The following STT3B variants were observed in gnomAD, a reference collection of about 807,000 sequenced individuals.
The protein encoded by STT3B is STT3 oligosaccharyltransferase complex catalytic subunit B.
A neutral mutation model predicts 96.8 loss-of-function variants in STT3B; 29 were observed. The observed-to-expected ratio is 0.30, with a 90% CI of 0.22 to 0.41. STT3B has a LOEUF of 0.41. Among genes scored for constraint, STT3B ranks in the 10% least tolerant of loss-of-function variants. The pLI, the probability that STT3B is intolerant of heterozygous loss-of-function variation, is 1.00. For missense variants in STT3B, 640 were observed against 1,022.3 expected (o/e 0.63, Z 5.10); for synonymous variants, 367 against 360.0 (o/e 1.02, Z -0.22).
chr3:31,567,864 A>T (rs191894697), intron 1 of STT3B, among the ~76,000 whole-genome samples: 1 of 152,230 alleles, frequency 6.6e-6, no homozygotes. Flanking sequence ...TTTCAATTCC[A>T]ATCTTTTAGT....
intron 2 of STT3B, among the ~76,000 whole-genome samples, chr3:31,578,064 A>G (rs750245922): frequency 2.0e-4 from 30 of 152,102 alleles, no homozygotes; most frequent in Non-Finnish European, 3.1e-4. Flanking sequence ...CTTATACTTA[A>G]GGTTATTATA....
At chr3:31,578,468 G>A (rs1359028018) in intron 2 of STT3B, among the ~76,000 whole-genome samples, 1 of 151,904 alleles carries the variant, frequency 6.6e-6, no homozygotes, top group Non-Finnish European at 1.5e-5. Flanking sequence ...GTACTTCTAT[G>A]AATCTTGGCT....
At chr3:31,612,338 G>T (rs1237778881) in intron 5 of STT3B, among the ~76,000 whole-genome samples, 3 of 152,182 alleles carry the variant, frequency 2.0e-5, no homozygotes, top group Non-Finnish European at 4.4e-5. Flanking sequence ...CTTGGGTCCA[G>T]TTCTCTTAAA....
chr3:31,597,748 C>T lies in STT3B; in HGVS notation c.777+885C>T, dbSNP rs549188290. On this transcript the variant is annotated intron_variant, in intron 4 of 15. Coordinates refer to ENST00000295770, the MANE Select transcript of STT3B (RefSeq NM_178862.3). ...CACTGGGATTATAGGCAAGAGCTGC[C>T]GTGCCTGTTTTTTAACTTTTTAATG... is the stretch of plus-strand genomic sequence containing the variant. 6.6e-5 allele frequency among the ~76,000 whole-genome samples: 10 copies of T among 152,116 alleles called. No homozygotes were observed. In the South Asian group the frequency reaches 1.5e-3, roughly 22 times the overall value.
chr3:31,555,513 G>A (rs774947253), intron 1 of STT3B, among the ~76,000 whole-genome samples: 2 of 151,914 alleles, frequency 1.3e-5, no homozygotes, highest in African/African-American at 4.8e-5. Context: ...TGATAGTTCT[G>A]TTACTCCTGC....
In STT3B at chr3:31,629,336, A is replaced by G. The variant is rs1699604832; in HGVS notation, c.2112A>G (p.Val704=). The G allele has an allele frequency of 1.2e-6, 2 of 1,610,856 alleles. No individual in the cohort carries two copies. Among genetic ancestry groups the G allele is most frequent in the Non-Finnish European group, 8.5e-7 (1 of 1,178,158 alleles). ...DYFTPQGEFR[V]DKAGSPTLLN... Reference sequence around the variant, plus strand: ...TTACCCCACAGGGAGAATTCCGTGTAGACAAAGCAGGATCCCCTACTTTGT... The same window carrying G: ...TTACCCCACAGGGAGAATTCCGTGTGGACAAAGCAGGATCCCCTACTTTGT... Residue 704 remains valine, a synonymous_variant, in exon 14 of 16, where the codon GTA becomes GTG. Transcript: ENST00000295770.
intron 1 of STT3B, among the ~76,000 whole-genome samples, chr3:31,536,148 C>A (rs1381214175): frequency 6.6e-6 from 1 of 151,924 alleles, no homozygotes; most frequent in Non-Finnish European, 1.5e-5. Flanking sequence ...TACAGTCATT[C>A]TTTTTGAAAA....
chr3:31,533,700 G>A, intron 1 of STT3B: 1 of 158,500 alleles, frequency 6.3e-6, no homozygotes, highest in Non-Finnish European at 1.4e-5. Flanking sequence ...GCTCCTCCGC[G>A]GACTGTCGGT....
At chr3:31,549,256 T>C (rs1396650760) in intron 1 of STT3B, among the ~76,000 whole-genome samples, 6 of 152,136 alleles carry the variant, frequency 3.9e-5, no homozygotes, top group African/African-American at 1.4e-4. Flanking sequence ...ATTAGGAACA[T>C]ACTTTTTTTT....
intron 13 of STT3B, among the ~76,000 whole-genome samples, chr3:31,627,897 A>G (rs1314469290): frequency 1.3e-5 from 2 of 152,016 alleles, no homozygotes; most frequent in Non-Finnish European, 2.9e-5. Flanking sequence ...TGAATAGATA[A>G]TACACTCATA....
chr3:31,567,402 A>G (rs2125447269), intron 1 of STT3B, among the ~76,000 whole-genome samples: 1 of 152,232 alleles, frequency 6.6e-6, no homozygotes, highest in South Asian at 2.1e-4. Context: ...TAATTTGCAA[A>G]GGTTAAACTA....
At chr3:31,533,495 C>T (rs1271764381) in intron 1 of STT3B, 183 bp downstream of exon 1, 13 of 709,828 alleles carry the variant, frequency 1.8e-5, no homozygotes, top group African/African-American at 3.8e-5. Context: ...CGAAGTTTGC[C>T]CCGTGCAGCC....
intron 4 of STT3B, among the ~76,000 whole-genome samples, chr3:31,597,989 C>T (rs979488039): frequency 6.6e-6 from 1 of 151,858 alleles, no homozygotes; most frequent in Non-Finnish European, 1.5e-5. Context: ...ATGTGTGCCA[C>T]TATGCCCGGC....
chr3:31,619,557 TTAAA>T (rs1699383516), intron 8 of STT3B, 115 bp from the exon 9 acceptor site: 3 of 802,692 alleles, frequency 3.7e-6, no homozygotes, highest in Non-Finnish European at 5.8e-6. Context: ...GAAGGTATAT[TTAAA>T]TAAGAAGGGG....
At chr3:31,540,206 A>G (rs940090061) in intron 1 of STT3B, among the ~76,000 whole-genome samples, 2 of 152,170 alleles carry the variant, frequency 1.3e-5, no homozygotes, top group African/African-American at 4.8e-5. Context: ...TTTGGAAACA[A>G]ATAGAGCTTT....
intron 3 of STT3B, among the ~76,000 whole-genome samples, chr3:31,587,127 A>C (rs1311257545): frequency 6.6e-6 from 1 of 152,042 alleles, no homozygotes; most frequent in Non-Finnish European, 1.5e-5. Context: ...CTTTAGCTGT[A>C]CCCCATAAAT....
At chr3:31,561,110 A>T (rs921433438) in intron 1 of STT3B, among the ~76,000 whole-genome samples, 1 of 151,644 alleles carries the variant, frequency 6.6e-6, no homozygotes, top group Non-Finnish European at 1.5e-5. Context: ...CTTTTTTATG[A>T]TATCTACCTC....
chr3:31,608,618 A>G (rs368606880), intron 5 of STT3B, among the ~76,000 whole-genome samples: 57 of 152,222 alleles, frequency 3.7e-4, no homozygotes, highest in African/African-American at 1.4e-3. Context: ...CAGTGAATAG[A>G]AACAGTCTTC....
At chr3:31,551,038 A>G (rs528148753) in intron 1 of STT3B, among the ~76,000 whole-genome samples, 7 of 152,292 alleles carry the variant, frequency 4.6e-5, no homozygotes, top group Admixed American at 2.0e-4. Context: ...CTGGTACCTT[A>G]TATAGCCTGA....
Sources: allele counts gnomAD v4.1 joint callset (sites outside exome capture counted in the v4.1 genomes callset), GRCh38; gene constraint gnomAD v4.1.1; transcripts MANE v1.5; gene names NCBI Gene and HGNC (gene_info 2026-07-23, HGNC 2026-07-21).